DDAH1: variants seen among roughly 807,000 people sequenced by gnomAD.
The protein encoded by DDAH1 is N(G),N(G)-dimethylarginine dimethylaminohydrolase 1.
Under a neutral mutation model 28.8 loss-of-function variants are expected in DDAH1, and 19 were observed. The ratio of observed to expected loss-of-function variants is 0.66; its 90% CI spans 0.46 to 0.97. The LOEUF is 0.97. Among genes scored for constraint, DDAH1 ranks in the 50% least tolerant of loss-of-function variants. DDAH1 has a pLI of 0.00. For synonymous variants in DDAH1, 153 were observed against 154.4 expected, an observed-to-expected ratio of 0.99 and a Z score of 0.07; for missense variants, 326 against 375.9, an observed-to-expected ratio of 0.87 and a Z score of 1.10.
chr1:85,578,131 TG>T, exon 1 of DDAH1: 1 of 333,882 alleles, frequency 3.0e-6, no homozygotes, highest in African/African-American at 2.2e-5. Context: ...TCTTGCCTAA[TG>T]TCGTCGATTA....
At chr1:85,383,356 G>A (rs534007439) in intron 1 of DDAH1, among the ~76,000 whole-genome samples, 1 of 152,336 alleles carries the variant, frequency 6.6e-6, no homozygotes, top group South Asian at 2.1e-4. Flanking sequence ...TAGAAGTGCA[G>A]CCTGAAGATA....
intron 1 of DDAH1, among the ~76,000 whole-genome samples, chr1:85,509,393 C>T (rs4420136): frequency 0.14 from 21,773 of 152,038 alleles, 1,713 homozygotes; most frequent in Admixed American, 0.25. Flanking sequence ...GGGGAAAAAC[C>T]AGAACAGAAA....
At chr1:85,404,471 C>A in intron 1 of DDAH1, 1 of 1,526,478 alleles carries the variant, frequency 6.6e-7, no homozygotes, top group South Asian at 1.2e-5. Context: ...GTTTTAACAT[C>A]CACCTGTGTT....
chr1:85,538,625 A>AG (rs1448243412), intron 1 of DDAH1, among the ~76,000 whole-genome samples: 3 of 110,236 alleles, frequency 2.7e-5, no homozygotes, highest in Admixed American at 9.8e-5. Context: ...CAGGCAAGAG[A>AG]GGGAAAAAAA....
Position 85,570,502 on chromosome 1 carries a change from C to T in DDAH1, c.-123+7482G>A, listed in dbSNP as rs186504030. On this transcript the variant is annotated intron_variant, in intron 1 of 6. Transcript: ENST00000426972. ...TACTCTAGTGCAGCCTCAGACTGCCCGTGGCAACTCCCAACCATTTTTTAA... is the reference window on the plus strand; with the variant it reads ...TACTCTAGTGCAGCCTCAGACTGCCTGTGGCAACTCCCAACCATTTTTTAA... 8.5e-5 allele frequency among the ~76,000 whole-genome samples: 13 copies of T among 152,188 alleles called. No individual in the cohort carries two copies. In the East Asian group the frequency reaches 1.2e-3, roughly 14 times the overall value.
intron 1 of DDAH1, among the ~76,000 whole-genome samples, chr1:85,415,878 A>G (rs1357596041): frequency 6.6e-6 from 1 of 152,164 alleles, no homozygotes; most frequent in Non-Finnish European, 1.5e-5. Context: ...AGTTGTTTTA[A>G]AACACTGTTC....
chr1:85,327,774 T>TA (rs968457356), intron 4 of DDAH1, among the ~76,000 whole-genome samples: 6 of 151,968 alleles, frequency 3.9e-5, no homozygotes, highest in African/African-American at 1.2e-4. Context: ...GAAGATTATT[T>TA]AAAAAAAACC....
intron 4 of DDAH1, among the ~76,000 whole-genome samples, chr1:85,330,552 C>A (rs902629290): frequency 6.6e-6 from 1 of 152,144 alleles, no homozygotes; most frequent in Non-Finnish European, 1.5e-5. Context: ...ACCCTCCACA[C>A]GTCACCACAA....
intron 1 of DDAH1, among the ~76,000 whole-genome samples, chr1:85,503,562 T>TA (rs1421484515): frequency 1.3e-5 from 2 of 150,042 alleles, no homozygotes; most frequent in Non-Finnish European, 3.0e-5. Flanking sequence ...TCTATCTATC[T>TA]ATCTATCCAT....
chr1:85,556,075 C>T (rs923377494), intron 1 of DDAH1, among the ~76,000 whole-genome samples: 44 of 151,880 alleles, frequency 2.9e-4, no homozygotes, highest in African/African-American at 1.0e-3. Context: ...CCACCACCGC[C>T]GCCGCCTCCT....
intron 1 of DDAH1, among the ~76,000 whole-genome samples, chr1:85,450,518 A>C (rs1409108203): frequency 6.6e-6 from 1 of 152,202 alleles, no homozygotes; most frequent in East Asian, 1.9e-4. Context: ...ATCATCAAGA[A>C]TAGGCTAGTT....
At chr1:85,512,064 C>T (rs1252960110) in intron 1 of DDAH1, among the ~76,000 whole-genome samples, 1 of 152,148 alleles carries the variant, frequency 6.6e-6, no homozygotes, top group Non-Finnish European at 1.5e-5. Flanking sequence ...AATTTTAGAC[C>T]AATATCTCTG....
At chr1:85,465,211 A>G (rs1162233809), upstream of DDAH1, 2 of 1,121,902 alleles carry the variant, frequency 1.8e-6, no homozygotes, top group Non-Finnish European at 2.2e-6. Context: ...GCGACTGAGC[A>G]TGCCCAGAGC....
chr1:85,505,850 C>T (rs1186648340), intron 1 of DDAH1, among the ~76,000 whole-genome samples: 1 of 152,072 alleles, frequency 6.6e-6, no homozygotes, highest in Non-Finnish European at 1.5e-5. Flanking sequence ...AGAAAATTTT[C>T]TTTAATTGAT....
intron 3 of DDAH1, 88 bp downstream of exon 3, chr1:85,351,418 C>A: frequency 9.6e-7 from 1 of 1,041,374 alleles, no homozygotes; most frequent in Non-Finnish European, 1.5e-6. Flanking sequence ...GAAGCGTAAA[C>A]ACCATTACTC....
At chr1:85,509,860 T>A (rs1183896691) in intron 1 of DDAH1, among the ~76,000 whole-genome samples, 1 of 152,196 alleles carries the variant, frequency 6.6e-6, no homozygotes, top group African/African-American at 2.4e-5. Context: ...AATCTACATT[T>A]GATTGGTGTA....
intron 1 of DDAH1, among the ~76,000 whole-genome samples, chr1:85,545,990 G>A (rs148281098): frequency 5.7e-4 from 87 of 152,150 alleles, no homozygotes; most frequent in Admixed American, 4.6e-4. Flanking sequence ...GTTCCTGCTC[G>A]TAAAATGGGA....
At chr1:85,346,084 A>G (rs1052445824) in intron 4 of DDAH1, among the ~76,000 whole-genome samples, 4 of 152,248 alleles carry the variant, frequency 2.6e-5, no homozygotes, top group African/African-American at 9.6e-5. Flanking sequence ...TTCAAATGCA[A>G]TAAAACTACC....
At chr1:85,323,722 G>A (rs1034453195) in intron 5 of DDAH1, among the ~76,000 whole-genome samples, 7 of 151,650 alleles carry the variant, frequency 4.6e-5, no homozygotes, top group Admixed American at 1.3e-4. Flanking sequence ...TCATGCCTGT[G>A]CACTTTGGGA....
Sources: gnomAD v4.1 joint callset for allele counts (sites outside exome capture counted in the v4.1 genomes callset) on GRCh38, gnomAD v4.1.1 for gene constraint, MANE v1.5 for transcripts, NCBI Gene and HGNC (gene_info 2026-07-23, HGNC 2026-07-21) for gene names.